KCNIP4: variants seen among roughly 807,000 people sequenced by gnomAD.
KCNIP4 encodes Kv channel-interacting protein 4.
Under a neutral mutation model 34.0 loss-of-function variants are expected in KCNIP4, and 12 were observed. The ratio of observed to expected loss-of-function variants is 0.35; its 90% CI spans 0.23 to 0.57. The LOEUF is 0.57. KCNIP4 is among the 20% of genes least tolerant of loss of function. The probability of loss-of-function intolerance (pLI) is 0.83; values close to 1 mark genes in which losing one functional copy is unlikely to be tolerated. For missense variants in KCNIP4, 238 were observed against 311.7 expected (o/e 0.76, Z 1.78); for synonymous variants, 124 against 102.2 (o/e 1.21, Z -1.29).
At chr4:21,490,827 C>A (rs1004898367) in intron 1 of KCNIP4, among the ~76,000 whole-genome samples, 13 of 151,996 alleles carry the variant, frequency 8.6e-5, no homozygotes, top group African/African-American at 3.1e-4. Flanking sequence ...ATAGAGGATG[C>A]AGGAAAAGTA....
intron 1 of KCNIP4, among the ~76,000 whole-genome samples, chr4:21,562,370 A>T (rs373639361): frequency 1.3e-5 from 2 of 151,990 alleles, no homozygotes; most frequent in East Asian, 3.9e-4. Context: ...TGTGCCATTG[A>T]CCACTGATAT....
At chr4:21,710,210 C>A (rs1415711352) in intron 1 of KCNIP4, among the ~76,000 whole-genome samples, 1 of 152,194 alleles carries the variant, frequency 6.6e-6, no homozygotes, top group African/African-American at 2.4e-5. Context: ...CAAAGCTTGG[C>A]TCAGAAATCC....
At position 20,823,294 on chromosome 4, in the gene KCNIP4, C is replaced by A. The variant is rs145534866; in HGVS notation, c.288+27249G>T. 1.7e-3 allele frequency among the ~76,000 whole-genome samples: 265 copies of A among 152,094 alleles called. 1 individual carries two copies. The highest frequency in any genetic ancestry group is 5.8e-3 in the African/African-American group (239 of 41,492). ...TGGGAAAAGGCCAAATCCTGAAGGT[C>A]CTTGTATGTAATGCAAATGAAATAA... On this transcript the variant is annotated intron_variant, in intron 3 of 8. Coordinates refer to ENST00000382152, the MANE Select transcript of KCNIP4 (RefSeq NM_025221.6).
chr4:21,070,479 G>A (rs780228994), intron 1 of KCNIP4, among the ~76,000 whole-genome samples: 1 of 151,636 alleles, frequency 6.6e-6, no homozygotes, highest in East Asian at 1.9e-4. Context: ...TACTTTAGCT[G>A]TTCTAATAGG....
At chr4:21,395,813 A>C (rs1722938318) in intron 1 of KCNIP4, among the ~76,000 whole-genome samples, 1 of 152,120 alleles carries the variant, frequency 6.6e-6, no homozygotes, top group South Asian at 2.1e-4. Flanking sequence ...GTAATCTTCA[A>C]AACAACTATA....
rs1407469855 is a variant in KCNIP4 at position 21,633,747 on chromosome 4, A to C, written c.61+314824T>G. ...TGGGTTTTATCTTGATATTTACCTTATTAGAATTTAAACTGAGAAATTATT... is the reference window on the plus strand; with the variant it reads ...TGGGTTTTATCTTGATATTTACCTTCTTAGAATTTAAACTGAGAAATTATT... On this transcript the variant is annotated intron_variant, in intron 1 of 8. Coordinates refer to ENST00000382152, the MANE Select transcript of KCNIP4 (RefSeq NM_025221.6). Among the ~76,000 whole-genome samples the C allele has an allele frequency of 5.3e-5, 8 of 152,272 alleles. No individual in the cohort carries two copies. In the East Asian group the frequency reaches 1.5e-3, roughly 29 times the overall value.
At chr4:21,694,922 A>T (rs1262686810) in intron 1 of KCNIP4, among the ~76,000 whole-genome samples, 2 of 95,168 alleles carry the variant, frequency 2.1e-5, no homozygotes, top group East Asian at 2.1e-4. Flanking sequence ...ACCAAAAAAA[A>T]AAAAAAAATA....
At chr4:21,099,564 G>A (rs1005110770) in intron 1 of KCNIP4, among the ~76,000 whole-genome samples, 3 of 151,930 alleles carry the variant, frequency 2.0e-5, no homozygotes, top group Non-Finnish European at 4.4e-5. Flanking sequence ...CATGGCACAC[G>A]TTTACCTATG....
intron 1 of KCNIP4, among the ~76,000 whole-genome samples, chr4:21,505,709 A>T (rs376610306): frequency 3.5e-4 from 53 of 152,276 alleles, no homozygotes; most frequent in East Asian, 2.5e-3. Flanking sequence ...TAGTATCTTC[A>T]TGGTGTCTCC....
At chr4:21,790,969 C>CAAAAAAAAAAAAAA (rs10560597) in intron 1 of KCNIP4, among the ~76,000 whole-genome samples, 13 of 89,670 alleles carry the variant, frequency 1.4e-4, no homozygotes, top group Admixed American at 3.6e-4. Context: ...GCGCACTCCA[C>CAAAAAAAAAAAAAA]AAAAAAAAAA....
At chr4:21,248,759 T>C (rs1760473374) in intron 1 of KCNIP4, among the ~76,000 whole-genome samples, 1 of 152,172 alleles carries the variant, frequency 6.6e-6, no homozygotes, top group Admixed American at 6.5e-5. Context: ...GCTTAACATA[T>C]ATTTTCTCCT....
At chr4:21,763,105 C>A in intron 1 of KCNIP4, 3 of 1,288,004 alleles carry the variant, frequency 2.3e-6, no homozygotes, top group South Asian at 1.2e-5. Flanking sequence ...TTCCTAACAA[C>A]GAGCACAGGT....
chr4:21,258,087 G>A lies in KCNIP4; in HGVS notation c.62-375378C>T, dbSNP rs145615153. Among the ~76,000 whole-genome samples, 383 of 152,162 alleles carry A rather than the reference G, an allele frequency of 2.5e-3. 2 individuals carry two copies. The highest frequency in any genetic ancestry group is 6.2e-3 in the East Asian group (32 of 5,160). On this transcript the variant is annotated intron_variant, in intron 1 of 8. Transcript: ENST00000382152. ...AACAGCAGAACTTTAAAAAAAATTA[G>A]CCTTTCCAAACACTTTCTCATCTGT...
chr4:21,778,527 T>C (rs1209150682), intron 1 of KCNIP4, among the ~76,000 whole-genome samples: 1 of 152,076 alleles, frequency 6.6e-6, no homozygotes, highest in Non-Finnish European at 1.5e-5. Context: ...CTGTGCTGGG[T>C]GTATATATTT....
chr4:21,285,564 C>T (rs542134085), intron 1 of KCNIP4, among the ~76,000 whole-genome samples: 3 of 152,098 alleles, frequency 2.0e-5, no homozygotes, highest in Admixed American at 6.6e-5. Flanking sequence ...CGTGGTGGCT[C>T]ATGCCTGTAA....
At chr4:21,314,545 G>C (rs1032129895) in intron 1 of KCNIP4, among the ~76,000 whole-genome samples, 1 of 152,158 alleles carries the variant, frequency 6.6e-6, no homozygotes, top group African/African-American at 2.4e-5. Context: ...GTGGTTGTAG[G>C]AGGCTGAAGG....
At chr4:20,871,455 A>G (rs1308006658) in intron 2 of KCNIP4, among the ~76,000 whole-genome samples, 1 of 152,072 alleles carries the variant, frequency 6.6e-6, no homozygotes. Flanking sequence ...GGAATGAAGG[A>G]ATACATTTAA....
chr4:21,049,323 T>C (rs1208531755), intron 1 of KCNIP4, among the ~76,000 whole-genome samples: 3 of 152,152 alleles, frequency 2.0e-5, no homozygotes, highest in Non-Finnish European at 2.9e-5. Context: ...CTCCAAATCC[T>C]TGACCCACAG....
At chr4:21,621,510 T>A (rs1316613243) in intron 1 of KCNIP4, among the ~76,000 whole-genome samples, 1 of 152,034 alleles carries the variant, frequency 6.6e-6, no homozygotes, top group Non-Finnish European at 1.5e-5. Context: ...TGACCACAGG[T>A]ATGCATAACC....
Sources: gnomAD v4.1 joint callset for allele counts (sites outside exome capture counted in the v4.1 genomes callset) on GRCh38, gnomAD v4.1.1 for gene constraint, MANE v1.5 for transcripts, NCBI Gene and HGNC (gene_info 2026-07-23, HGNC 2026-07-21) for gene names.